The following OPTN variants were observed in gnomAD, a reference collection of about 807,000 sequenced individuals.
OPTN encodes optineurin, also known as E3-14.7K-interacting protein.
Under a neutral mutation model 70.4 loss-of-function variants are expected in OPTN, and 54 were observed. The ratio of observed to expected loss-of-function variants is 0.77; its 90% confidence interval spans 0.62 to 0.96. OPTN has a LOEUF of 0.96. Among genes scored for constraint, OPTN ranks in the 40% least tolerant of loss-of-function variants. The pLI, the probability that OPTN is intolerant of heterozygous loss-of-function variation, is 0.00. For missense variants in OPTN, 624 were observed against 673.2 expected (o/e 0.93, Z 0.81); for synonymous variants, 256 against 248.5 (o/e 1.03, Z -0.28).
At chr10:13,119,593 C>T (rs765905911) in intron 7 of OPTN, among the ~76,000 whole-genome samples, 7 of 152,164 alleles carry the variant, frequency 4.6e-5, no homozygotes, top group African/African-American at 1.2e-4. Flanking sequence ...CTGGGTCATA[C>T]GGTATCGCTA....
intron 13 of OPTN, 24 bp from the exon 14 acceptor site, chr10:13,133,478 G>C: frequency 6.2e-7 from 1 of 1,609,364 alleles, no homozygotes; most frequent in Non-Finnish European, 8.5e-7. Context: ...ACATCACACA[G>C]CGTGTTGCTT....
At position 13,126,531 on chromosome 10, in the gene OPTN, C is replaced by T. The variant is rs553824261; in HGVS notation, c.1242+492C>T. 7.2e-5 allele frequency among the ~76,000 whole-genome samples: 11 copies of T among 152,182 alleles called. No homozygotes were observed. In the South Asian group the frequency reaches 8.3e-4, roughly 11 times the overall value. The stretch of plus-strand genomic sequence containing the variant: ...TCCTGACCTCGTGATCCACCCGCCT[C>T]GGCCTCCCAAAGTGCTGGGATTACA... On this transcript the variant is annotated intron_variant, in intron 11 of 14. Transcript: ENST00000378747.
chr10:13,100,892 C>T (rs138350947), intron 1 of OPTN, among the ~76,000 whole-genome samples: 3 of 152,304 alleles, frequency 2.0e-5, no homozygotes, highest in South Asian at 2.1e-4. Context: ...ACCCAGGTTC[C>T]GACCTGGCCT....
intron 1 of OPTN, among the ~76,000 whole-genome samples, chr10:13,105,229 A>G (rs1382980924): frequency 1.3e-5 from 2 of 152,190 alleles, no homozygotes; most frequent in Non-Finnish European, 2.9e-5. Flanking sequence ...ACACAATATC[A>G]CAGAATTTGC....
At chr10:13,101,866 C>G (rs191674268) in intron 1 of OPTN, among the ~76,000 whole-genome samples, 83 of 152,328 alleles carry the variant, frequency 5.4e-4, no homozygotes, top group Non-Finnish European at 4.4e-5. Context: ...GTCACCTACA[C>G]AGCAGAAAGC....
intron 12 of OPTN, among the ~76,000 whole-genome samples, chr10:13,129,679 G>T (rs1833551642): frequency 6.6e-6 from 1 of 152,128 alleles, no homozygotes; most frequent in South Asian, 2.1e-4. Context: ...CCATTTCTCA[G>T]TTAAATAAAT....
At chr10:13,113,174 A>G (rs1036913910) in intron 5 of OPTN, among the ~76,000 whole-genome samples, 11 of 152,094 alleles carry the variant, frequency 7.2e-5, no homozygotes, top group African/African-American at 2.7e-4. Flanking sequence ...AGCGCATGCC[A>G]TCACACCCGG....
At chr10:13,104,926 T>C (rs988568347) in intron 1 of OPTN, 5 of 269,268 alleles carry the variant, frequency 1.9e-5, no homozygotes, top group Non-Finnish European at 2.9e-5. Context: ...GTGCAGTGGC[T>C]GCTGGTGGTA....
chr10:13,115,005 TTA>T (rs1220051847), intron 5 of OPTN, among the ~76,000 whole-genome samples: 14 of 19,710 alleles, frequency 7.1e-4, no homozygotes, highest in South Asian at 5.6e-3. Flanking sequence ...TTATATATAT[TTA>T]TATATATAGA....
intron 2 of OPTN, chr10:13,108,909 T>TCAC: frequency 1.7e-6 from 1 of 593,248 alleles, no homozygotes; most frequent in Non-Finnish European, 3.1e-6. Flanking sequence ...CACATGCGCG[T>TCAC]GCACACACAC....
At chr10:13,127,940 A>G (rs748021122) in intron 12 of OPTN, 37 bp downstream of exon 12, 6 of 1,609,662 alleles carry the variant, frequency 3.7e-6, no homozygotes, top group Non-Finnish European at 5.1e-6. Context: ...GAGCGAGGCC[A>G]GCCCTGACTG....
At position 13,117,080 on chromosome 10, in the gene OPTN, CTTTT is replaced by C. The variant is rs560052353; in HGVS notation, c.626+755_626+758del. ...TGTCTGAAAAGAACTCTAAGGATCTCTTTTTTTTTTTTTTTTTTGAGACGGAATC... is the reference window on the plus strand; with the variant it reads ...TGTCTGAAAAGAACTCTAAGGATCTCTTTTTTTTTTTTTTGAGACGGAATC... On this transcript the variant is annotated intron_variant, in intron 6 of 14. Coordinates refer to ENST00000378747, the MANE Select transcript of OPTN (RefSeq NM_001008212.2). Among the ~76,000 whole-genome samples, 12 of 121,394 alleles carry C rather than the reference CTTTT, an allele frequency of 9.9e-5. No homozygotes were observed. In the South Asian group the frequency reaches 1.1e-3, roughly 11 times the overall value. The allele number at this position is 121,394 out of a possible 152,430, so 79.6% of individuals were successfully genotyped here.
chr10:13,108,891 C>T (rs1832928588), intron 2 of OPTN: 2 of 545,252 alleles, frequency 3.7e-6, no homozygotes, highest in Non-Finnish European at 3.4e-6. Context: ...CGCACACACA[C>T]ACATGCACAC....
At chr10:13,127,974 G>C in intron 12 of OPTN, 71 bp downstream of exon 12, 1 of 1,506,326 alleles carries the variant, frequency 6.6e-7, no homozygotes, top group East Asian at 2.3e-5. Flanking sequence ...GAAAGCAATG[G>C]TGTTTAGAAT....
intron 14 of OPTN, 85 bp from the exon 15 acceptor site, chr10:13,136,660 T>C: frequency 6.4e-7 from 1 of 1,553,422 alleles, no homozygotes; most frequent in Non-Finnish European, 8.8e-7. Flanking sequence ...TGAACTGATG[T>C]TAAAACTCGC....
chr10:13,114,811 T>C lies in OPTN; in HGVS notation c.553-1456T>C, dbSNP rs1228434230. 2.0e-3 allele frequency among the ~76,000 whole-genome samples: 13 copies of C among 6,364 alleles called. 1 individual carries two copies. The highest frequency in any genetic ancestry group is 7.2e-3 in the East Asian group (2 of 276). The allele number at this position is 6,364 out of a possible 152,430, so 4.2% of individuals were successfully genotyped here. A position where few individuals can be genotyped will look rare whatever the true frequency, so the allele number is the denominator to read the frequency against. ...TTATATAATTATATATACATATATA[T>C]AATTATATAATTATATAATTATATA... On this transcript the variant is annotated intron_variant, in intron 5 of 14. Coordinates refer to ENST00000378747, the MANE Select transcript of OPTN (RefSeq NM_001008212.2).
intron 10 of OPTN, 114 bp downstream of exon 10, chr10:13,125,681 A>G: frequency 2.3e-6 from 3 of 1,297,612 alleles, no homozygotes; most frequent in Non-Finnish European, 3.3e-6. Flanking sequence ...TTTTTCACTT[A>G]TCTGAAGGAG....
In OPTN at chr10:13,109,260, G is replaced by C. The variant is rs1832940574; in HGVS notation, c.138G>C (p.Glu46Asp). 6.2e-7 allele frequency: 1 copy of C among 1,613,864 alleles called. No individual in the cohort carries two copies. Among genetic ancestry groups the C allele is most frequent in the Non-Finnish European group, 8.5e-7 (1 of 1,179,970 alleles). The change falls in exon 3 of 15, where the codon GAG becomes GAC. Residue 46 changes from glutamate (E) to aspartate (D), a missense_variant. By Grantham distance (45) the Glu-to-Asp change is conservative. Coordinates refer to ENST00000378747, the MANE Select transcript of OPTN (RefSeq NM_001008212.2). ...AGGAGCTGCTGCAGCAGATGAAAGA[G>C]CTCCTGACCGAGAACCACCAGCTGA... ...TPEELLQQMKELLTENHQLKE... is the reference protein window; with the variant it reads ...TPEELLQQMKDLLTENHQLKE...
chr10:13,132,045 G>A, intron 12 of OPTN, 22 bp from the exon 13 acceptor site: 5 of 1,609,082 alleles, frequency 3.1e-6, no homozygotes, highest in Non-Finnish European at 4.2e-6. Context: ...ACTAACTTCT[G>A]TATCTTTTTT....
Sources: gnomAD v4.1 joint callset for allele counts (sites outside exome capture counted in the v4.1 genomes callset) on GRCh38, gnomAD v4.1.1 for gene constraint, MANE v1.5 for transcripts, NCBI Gene and HGNC (gene_info 2026-07-23, HGNC 2026-07-21) for gene names.